FGF13: variants seen among roughly 807,000 people sequenced by gnomAD.
FGF13 encodes the protein fibroblast growth factor 13.
A neutral mutation model predicts 19.5 loss-of-function variants in FGF13; 2 were observed. That is an observed-to-expected ratio of 0.10 (90% CI 0.04 to 0.32). FGF13 has a LOEUF of 0.32. Ranked by LOEUF, FGF13 falls within the 10% of genes least tolerant of loss-of-function variation. The pLI is 1.00. For missense variants in FGF13, 113 were observed against 192.7 expected, an observed-to-expected ratio of 0.59 and a Z score of 2.45; for synonymous variants, 72 against 76.9, an observed-to-expected ratio of 0.94 and a Z score of 0.33.
Position 138,681,037 on chromosome X carries a change from G to T in FGF13, c.402+21947C>A, listed in dbSNP as rs1488895948. 1.8e-5 allele frequency among the ~76,000 whole-genome samples: 2 copies of T among 109,166 alleles called. 1 individual carries two copies. The highest frequency in any genetic ancestry group is 6.7e-5 in the African/African-American group (2 of 29,935). 94.8% of individuals were successfully genotyped at this position (109,166 alleles called of 115,157 possible). A position where few individuals can be genotyped will look rare whatever the true frequency, so the allele number is the denominator to read the frequency against. On this transcript the variant is annotated intron_variant, in intron 3 of 4. Transcript: ENST00000315930. Reference sequence around the variant, plus strand: ...AAATACAAAAAAATTAGCCTGGCGTGGTGGCAGGCACCTGTAATCCCAGCT... The same window carrying T: ...AAATACAAAAAAATTAGCCTGGCGTTGTGGCAGGCACCTGTAATCCCAGCT...
chrX:139,127,709 CCTTAA>C (rs754303522), intron 1 of FGF13, among the ~76,000 whole-genome samples: 30 of 111,629 alleles, frequency 2.7e-4, no homozygotes, highest in African/African-American at 9.4e-4. Context: ...GCCAAATACC[CCTTAA>C]CTTATTTTTC....
intron 3 of FGF13, among the ~76,000 whole-genome samples, chrX:138,805,488 T>A (rs758281239): frequency 8.2e-4 from 91 of 111,247 alleles, no homozygotes; most frequent in Non-Finnish European, 1.5e-3. Context: ...CAACATTTGA[T>A]TGGACCTGTG....
chrX:139,038,421 T>C (rs1205206555), intron 1 of FGF13, among the ~76,000 whole-genome samples: 1 of 111,791 alleles, frequency 8.9e-6, no homozygotes, highest in Admixed American at 9.5e-5. Flanking sequence ...AAGTTTACCA[T>C]GACCACCTTT....
intron 1 of FGF13, among the ~76,000 whole-genome samples, chrX:138,953,533 A>C (rs770174513): frequency 9.0e-6 from 1 of 111,473 alleles, no homozygotes; most frequent in East Asian, 2.8e-4. Context: ...ATATGTAACA[A>C]TCCTGCACGT....
chrX:138,902,009 G>GTT (rs780999628), intron 1 of FGF13, among the ~76,000 whole-genome samples: 1 of 112,511 alleles, frequency 8.9e-6, no homozygotes, highest in East Asian at 2.8e-4. Context: ...GGAGATCAAA[G>GTT]TTAAAACACT....
chrX:138,869,969 T>C (rs2091349418), intron 1 of FGF13, among the ~76,000 whole-genome samples: 1 of 112,219 alleles, frequency 8.9e-6, no homozygotes, highest in Non-Finnish European at 1.9e-5. Context: ...AATGGTATTT[T>C]AGTTTGCTTA....
rs1336173892 is a variant in FGF13 at position 138,616,105 on chromosome X, T to G, written c.*16745A>C. On this transcript the variant is annotated 3_prime_UTR_variant, in exon 5 of 5. Coordinates refer to ENST00000315930, the MANE Select transcript of FGF13 (RefSeq NM_004114.5). ...CATGTTCTCACATTTCAAAACACAA[T>G]CATGCCCTTCCAATAGTCCCCCAAA... 9.0e-6 allele frequency: 1 copy of G among 111,514 alleles called. No homozygotes were observed. The highest frequency in any genetic ancestry group is 1.9e-5 in the Non-Finnish European group (1 of 53,155). 9.2% of individuals were successfully genotyped at this position (111,514 alleles called of 1,213,427 possible).
At chrX:138,994,988 A>C (rs1294692667) in intron 1 of FGF13, among the ~76,000 whole-genome samples, 2 of 10,770 alleles carry the variant, frequency 1.9e-4, no homozygotes, top group Non-Finnish European at 7.7e-4. Context: ...TGTAACCAAA[A>C]AAAAAAAAAA....
At chrX:138,975,909 G>A (rs932063936) in intron 1 of FGF13, among the ~76,000 whole-genome samples, 4 of 111,923 alleles carry the variant, frequency 3.6e-5, no homozygotes, top group Non-Finnish European at 7.5e-5. Flanking sequence ...TGGGAAGGTG[G>A]CAGTTTGGCC....
At chrX:138,983,584 G>A (rs544432664) in intron 1 of FGF13, among the ~76,000 whole-genome samples, 3 of 108,724 alleles carry the variant, frequency 2.8e-5, no homozygotes, top group South Asian at 4.1e-4. Context: ...TGGTAGGAAC[G>A]TAAAATGGGG....
chrX:139,122,468 A>G (rs905256375), intron 1 of FGF13, among the ~76,000 whole-genome samples: 2 of 111,500 alleles, frequency 1.8e-5, no homozygotes, highest in East Asian at 2.9e-4. Flanking sequence ...ATGATTACCA[A>G]TGATCTCCAC....
At chrX:138,914,235 T>C (rs1266053087) in intron 1 of FGF13, among the ~76,000 whole-genome samples, 1 of 106,111 alleles carries the variant, frequency 9.4e-6, no homozygotes, top group Non-Finnish European at 1.9e-5. Context: ...GGCAACAGGA[T>C]ACTAGATGGG....
chrX:138,931,370 C>T (rs1387298064), intron 1 of FGF13, among the ~76,000 whole-genome samples: 1 of 111,757 alleles, frequency 8.9e-6, no homozygotes, highest in African/African-American at 3.3e-5. Context: ...TCTGGGAAAC[C>T]TTCAAGTGAA....
chrX:138,727,056 G>A (rs926735368), intron 1 of FGF13, among the ~76,000 whole-genome samples: 1 of 110,986 alleles, frequency 9.0e-6, no homozygotes. Flanking sequence ...ATAATCCTTC[G>A]AAGTAGGTAT....
chrX:138,984,527 G>C (rs192564108), intron 1 of FGF13, among the ~76,000 whole-genome samples: 8,246 of 17,069 alleles, frequency 0.48, 2,399 homozygotes, highest in Non-Finnish European at 0.61. Context: ...AGAAGAGGAA[G>C]AAGAAGAAGA....
At chrX:138,885,656 T>C (rs1380203915) in intron 1 of FGF13, among the ~76,000 whole-genome samples, 1 of 106,887 alleles carries the variant, frequency 9.4e-6, no homozygotes, top group Non-Finnish European at 1.9e-5. Flanking sequence ...TTAACTCCTT[T>C]AGTTCATTAT....
At chrX:138,764,355 C>T (rs1469647095) in intron 3 of FGF13, among the ~76,000 whole-genome samples, 1 of 112,179 alleles carries the variant, frequency 8.9e-6, no homozygotes, top group Non-Finnish European at 1.9e-5. Context: ...ATCCTCTAAC[C>T]CCCGATGATG....
intron 1 of FGF13, among the ~76,000 whole-genome samples, chrX:139,063,866 C>T (rs2092344254): frequency 9.0e-6 from 1 of 111,418 alleles, no homozygotes; most frequent in Non-Finnish European, 1.9e-5. Context: ...TCAGATTTAA[C>T]CATTTTGTTA....
intron 1 of FGF13, among the ~76,000 whole-genome samples, chrX:139,012,642 C>T (rs987676542): frequency 3.6e-5 from 4 of 111,534 alleles, no homozygotes; most frequent in Admixed American, 1.9e-4. Context: ...ATTGTCAAGC[C>T]ACATATAGAC....
Sources: gnomAD v4.1 joint callset for allele counts (sites outside exome capture counted in the v4.1 genomes callset) on GRCh38, gnomAD v4.1.1 for gene constraint, MANE v1.5 for transcripts, NCBI Gene and HGNC (gene_info 2026-07-23, HGNC 2026-07-21) for gene names.